ANK2: variants seen among roughly 807,000 people sequenced by gnomAD.
ANK2 encodes ankyrin-2.
ANK2 carries 83 observed loss-of-function variants against 360.5 expected under a neutral mutation model. The ratio of observed to expected loss-of-function variants is 0.23; its 90% CI spans 0.19 to 0.28. The LOEUF is 0.28. ANK2 is among the 10% of genes least tolerant of loss of function. ANK2 has a pLI of 1.00. For synonymous variants in ANK2, 1,740 were observed against 1,759.5 expected, an observed-to-expected ratio of 0.99 and a Z score of 0.28; for missense variants, 4,201 against 4,795.7, an observed-to-expected ratio of 0.88 and a Z score of 3.66.
rs28712725 is a variant in ANK2 at position 113,107,990 on chromosome 4, A to G, written c.84+58178A>G. On this transcript the variant is annotated intron_variant, in intron 1 of 45. Coordinates refer to ENST00000357077, the MANE Select transcript of ANK2 (RefSeq NM_001148.6). ...AAAAGATGGTTAAAGTGGAGAAAAA[A>G]CTGATATATGCGTAGTTTAAACATT... Among the ~76,000 whole-genome samples the G allele has an allele frequency of 8.2e-3, 1,249 of 152,280 alleles. 23 individuals carry two copies. Among genetic ancestry groups the G allele is most frequent in the African/African-American group, 0.029 (1,195 of 41,550 alleles).
chr4:113,146,760 C>T (rs2096851382), intron 1 of ANK2, among the ~76,000 whole-genome samples: 2 of 151,134 alleles, frequency 1.3e-5, no homozygotes, highest in Non-Finnish European at 1.5e-5. Context: ...TCTGTCAGAT[C>T]CAGGAATTTG....
Position 113,354,522 on chromosome 4 carries a change from A to G in ANK2, c.5904A>G (p.Lys1968=). The G allele has an allele frequency of 6.2e-7, 1 of 1,614,138 alleles. No individual in the cohort carries two copies. The highest frequency in any genetic ancestry group is 8.5e-7 in the Non-Finnish European group (1 of 1,179,988). The part of the protein sequence containing the change: ...EKHLPVSPSG[K]TEKQPPVSPT... ...ACCTGCCTGTGTCACCTTCTGGCAAAACAGAAAAGCAACCACCTGTATCCC... is the reference window on the plus strand; with the variant it reads ...ACCTGCCTGTGTCACCTTCTGGCAAGACAGAAAAGCAACCACCTGTATCCC... Residue 1968 remains lysine, a synonymous_variant, in exon 38 of 46, where the codon AAA becomes AAG. Coordinates refer to ENST00000357077, the MANE Select transcript of ANK2 (RefSeq NM_001148.6).
At chr4:112,838,933 A>G (rs1035646663) in intron 1 of ANK2, among the ~76,000 whole-genome samples, 1 of 152,090 alleles carries the variant, frequency 6.6e-6, no homozygotes, top group African/African-American at 2.4e-5. Context: ...TAGGTTCTTC[A>G]TCTTTGTAAC....
the ANK2 span, among the ~76,000 whole-genome samples, chr4:112,772,496 C>T: frequency 6.6e-6 from 1 of 152,030 alleles, no homozygotes; most frequent in African/African-American, 2.4e-5. Flanking sequence ...TATCCTGAAC[C>T]CTGTGAGCCC....
intron 19 of ANK2, among the ~76,000 whole-genome samples, chr4:113,288,046 C>T (rs2065580699): frequency 6.6e-6 from 1 of 152,240 alleles, no homozygotes; most frequent in South Asian, 2.1e-4. Context: ...AATGGATTTT[C>T]CCTCTCTATG....
chr4:113,051,000 T>C lies in ANK2; in HGVS notation c.84+1188T>C, dbSNP rs201351798. ...GATAGAAATAAGCATGTGATGATTT[T>C]TAATCATAGCGTAGAGATAGTGATA... On this transcript the variant is annotated intron_variant, in intron 1 of 45. Transcript: ENST00000357077. 1.0e-3 allele frequency among the ~76,000 whole-genome samples: 156 copies of C among 152,264 alleles called. No individual in the cohort carries two copies. In the East Asian group the frequency reaches 0.025, roughly 25 times the overall value.
chr4:112,723,432 C>T, the ANK2 span, among the ~76,000 whole-genome samples: 450 of 152,222 alleles, frequency 3.0e-3, 2 homozygotes, highest in African/African-American at 0.01. Context: ...GGCGCGATCT[C>T]GGCGCACTGC....
intron 1 of ANK2, among the ~76,000 whole-genome samples, chr4:113,128,647 G>A (rs1215180176): frequency 6.6e-6 from 1 of 151,970 alleles, no homozygotes; most frequent in Non-Finnish European, 1.5e-5. Flanking sequence ...CTGCCACTAC[G>A]CCCAGCTAAT....
chr4:112,813,321 A>C (rs1471810357), upstream of ANK2, among the ~76,000 whole-genome samples: 10 of 152,010 alleles, frequency 6.6e-5, no homozygotes, highest in South Asian at 2.1e-4. Context: ...ATTACAAATG[A>C]TGACAATAAA....
intron 24 of ANK2, among the ~76,000 whole-genome samples, chr4:113,312,288 A>G (rs372096420): frequency 9.3e-4 from 140 of 150,468 alleles, no homozygotes; most frequent in Middle Eastern, 6.8e-3. Flanking sequence ...AGAAAAAAAA[A>G]AAAAGAAAAG....
intron 1 of ANK2, among the ~76,000 whole-genome samples, chr4:112,899,377 T>G (rs1472848727): frequency 1.3e-5 from 2 of 152,312 alleles, no homozygotes; most frequent in Middle Eastern, 3.4e-3. Context: ...TTTATAATTT[T>G]CTCATTTTGT....
At chr4:112,944,112 C>T (rs377309049) in intron 2 of ANK2, among the ~76,000 whole-genome samples, 3 of 152,128 alleles carry the variant, frequency 2.0e-5, no homozygotes, top group South Asian at 4.1e-4. Flanking sequence ...ATCCACATAG[C>T]AATCAGGCAT....
chr4:112,945,256 C>T lies in ANK2; in HGVS notation c.21+40742C>T, dbSNP rs147666344. ...AGAAGTGATGCATGTTACTTTGGCTCACATTTCATTGGCCAAAGCAAGTGT... is the reference window on the plus strand; with the variant it reads ...AGAAGTGATGCATGTTACTTTGGCTTACATTTCATTGGCCAAAGCAAGTGT... On this transcript the variant is annotated intron_variant, in intron 2 of 30. Transcript: ENST00000503271. 7.7e-3 allele frequency among the ~76,000 whole-genome samples: 1,177 copies of T among 152,296 alleles called. 12 individuals are homozygous for T. The highest frequency in any genetic ancestry group is 0.018 in the African/African-American group (748 of 41,562).
intron 2 of ANK2, among the ~76,000 whole-genome samples, chr4:112,957,021 T>TTTG (rs1561272810): frequency 1.4e-5 from 2 of 146,478 alleles, no homozygotes; most frequent in African/African-American, 5.1e-5. Context: ...TTTTTTTTTT[T>TTTG]TTTTTTTTTT....
intron 2 of ANK2, among the ~76,000 whole-genome samples, chr4:113,042,266 C>T (rs2063148878): frequency 6.6e-6 from 1 of 152,122 alleles, no homozygotes; most frequent in Admixed American, 6.6e-5. Flanking sequence ...GGGCTTACAC[C>T]AGCCTCTCCA....
intron 1 of ANK2, among the ~76,000 whole-genome samples, chr4:112,825,292 C>A (rs2058162404): frequency 6.6e-6 from 1 of 151,620 alleles, no homozygotes; most frequent in Non-Finnish European, 1.5e-5. Context: ...ACATATGTAA[C>A]AAACCTGCAT....
At chr4:112,740,314 T>G in the ANK2 span, among the ~76,000 whole-genome samples, 1 of 152,150 alleles carries the variant, frequency 6.6e-6, no homozygotes, top group Non-Finnish European at 1.5e-5. Flanking sequence ...CATAGCTCAT[T>G]GTAACCTCGA....
chr4:113,198,873 G>C, intron 3 of ANK2, 138 bp from the exon 4 acceptor site: 1 of 705,350 alleles, frequency 1.4e-6, no homozygotes, highest in South Asian at 1.7e-5. Context: ...TAATCTCTTC[G>C]TAAGTGGGCT....
intron 2 of ANK2, among the ~76,000 whole-genome samples, chr4:112,986,231 C>A (rs926227774): frequency 6.6e-6 from 1 of 151,596 alleles, no homozygotes; most frequent in Non-Finnish European, 1.5e-5. Context: ...TATATATGAA[C>A]AGCCAAATTT....
Sources: allele counts gnomAD v4.1 joint callset (sites outside exome capture counted in the v4.1 genomes callset), GRCh38; gene constraint gnomAD v4.1.1; transcripts MANE v1.5; gene names NCBI Gene and HGNC (gene_info 2026-07-23, HGNC 2026-07-21).